Variants in VAV3 observed in about 807,000 individuals in gnomAD.
VAV3 encodes vav guanine nucleotide exchange factor 3.
A neutral mutation model predicts 131.2 loss-of-function variants in VAV3; 94 were observed. The observed-to-expected ratio is 0.72, with a 90% CI of 0.61 to 0.85. The LOEUF (loss-of-function observed/expected upper bound fraction) is 0.85, where lower values mean the gene tolerates loss of function less well. Among genes scored for constraint, VAV3 ranks in the 40% least tolerant of loss-of-function variants. The pLI is 0.00. For missense variants in VAV3, 939 were observed against 1,002.7 expected (o/e 0.94, Z 0.86); for synonymous variants, 349 against 342.0 (o/e 1.02, Z -0.22).
chr1:107,907,687 GCTCT>G (rs146500892), intron 1 of VAV3, among the ~76,000 whole-genome samples: 6,033 of 149,336 alleles, frequency 0.04, 285 homozygotes, highest in African/African-American at 0.12. Context: ...ACACACACGC[GCTCT>G]CTCTCTCTCT....
At chr1:107,905,336 T>C (rs765327845) in intron 1 of VAV3, among the ~76,000 whole-genome samples, 3 of 152,192 alleles carry the variant, frequency 2.0e-5, no homozygotes, top group Non-Finnish European at 4.4e-5. Context: ...TGTTTGCACA[T>C]GGTTAAAGAC....
intron 2 of VAV3, among the ~76,000 whole-genome samples, chr1:107,805,152 T>C (rs1667007181): frequency 6.6e-6 from 1 of 152,192 alleles, no homozygotes; most frequent in South Asian, 2.1e-4. Context: ...TTATTGGGGT[T>C]GAATCTGTTT....
intron 2 of VAV3, among the ~76,000 whole-genome samples, chr1:107,855,778 G>A (rs1669440267): frequency 6.6e-6 from 1 of 152,176 alleles, no homozygotes; most frequent in African/African-American, 2.4e-5. Context: ...AAGCAGCCAG[G>A]GGGAATAAAA....
chr1:107,919,765 A>T (rs940745595), intron 1 of VAV3, among the ~76,000 whole-genome samples: 1 of 152,200 alleles, frequency 6.6e-6, no homozygotes, highest in Non-Finnish European at 1.5e-5. Flanking sequence ...ACAATTTCTT[A>T]ACAGTTAAAC....
intron 2 of VAV3, among the ~76,000 whole-genome samples, chr1:107,796,946 T>C (rs896609138): frequency 6.6e-6 from 1 of 151,800 alleles, no homozygotes; most frequent in Admixed American, 6.6e-5. Flanking sequence ...TCAATCAAGT[T>C]TGTTTTGGTT....
intron 11 of VAV3, among the ~76,000 whole-genome samples, chr1:107,756,415 T>G (rs1557824656): frequency 6.6e-6 from 1 of 152,108 alleles, no homozygotes; most frequent in Non-Finnish European, 1.5e-5. Flanking sequence ...CTTTAAAATT[T>G]GGAACTTGGT....
intron 1 of VAV3, among the ~76,000 whole-genome samples, chr1:107,923,345 A>C (rs753727362): frequency 1.1e-4 from 16 of 152,258 alleles, no homozygotes; most frequent in Non-Finnish European, 2.1e-4. Flanking sequence ...CCCTAAATTC[A>C]TAAGTTGAAA....
intron 2 of VAV3, 27 bp from the exon 3 acceptor site, chr1:107,779,519 G>C: frequency 6.5e-7 from 1 of 1,540,120 alleles, no homozygotes. Context: ...ATACTAATTA[G>C]ATATGTAGTT....
At chr1:107,673,821 G>T (rs767873150) in intron 19 of VAV3, among the ~76,000 whole-genome samples, 9 of 152,156 alleles carry the variant, frequency 5.9e-5, no homozygotes, top group Non-Finnish European at 1.3e-4. Context: ...AAAAAAGTGT[G>T]TAACAAAAGT....
intron 15 of VAV3, among the ~76,000 whole-genome samples, chr1:107,743,766 G>A (rs1474915005): frequency 1.3e-5 from 2 of 152,110 alleles, no homozygotes; most frequent in Non-Finnish European, 2.9e-5. Context: ...TGAGAAACAT[G>A]CTTTTTGTTT....
chr1:107,928,007 T>G (rs1057078213), intron 1 of VAV3, among the ~76,000 whole-genome samples: 1 of 151,992 alleles, frequency 6.6e-6, no homozygotes, highest in African/African-American at 2.4e-5. Context: ...ACAGTCCCGG[T>G]GGTGGTAGCC....
chr1:107,719,993 A>C (rs564491584), intron 15 of VAV3, among the ~76,000 whole-genome samples: 2 of 152,262 alleles, frequency 1.3e-5, no homozygotes, highest in South Asian at 4.1e-4. Flanking sequence ...CTCACTCATC[A>C]GTAGGAATGG....
chr1:107,687,556 AT>A (rs1310502852), intron 18 of VAV3, among the ~76,000 whole-genome samples: 1 of 152,022 alleles, frequency 6.6e-6, no homozygotes, highest in East Asian at 1.9e-4. Context: ...TGCTATGGCC[AT>A]TTGTGGGGAG....
At chr1:107,800,067 C>T (rs1666754194) in intron 2 of VAV3, among the ~76,000 whole-genome samples, 1 of 152,160 alleles carries the variant, frequency 6.6e-6, no homozygotes, top group African/African-American at 2.4e-5. Context: ...GTACATATAT[C>T]ACATTTTCAT....
chr1:107,777,447 T>C, intron 3 of VAV3, 151 bp from the exon 4 acceptor site: 1 of 708,080 alleles, frequency 1.4e-6, no homozygotes, highest in Non-Finnish European at 2.4e-6. Context: ...ATCTAGGGCT[T>C]TCCCTAAAGT....
chr1:107,918,494 G>A (rs1029058905), intron 1 of VAV3, among the ~76,000 whole-genome samples: 2 of 151,992 alleles, frequency 1.3e-5, no homozygotes, highest in African/African-American at 4.8e-5. Flanking sequence ...GTAGGGGAAT[G>A]GGGAGGGGCT....
intron 17 of VAV3, 89 bp from the exon 18 acceptor site, chr1:107,688,495 C>G: frequency 1.3e-6 from 2 of 1,592,076 alleles, no homozygotes; most frequent in Non-Finnish European, 1.7e-6. Flanking sequence ...TGGTAAAACA[C>G]CACTGCTTTG....
chr1:107,705,795 T>C (rs982079284), intron 15 of VAV3, among the ~76,000 whole-genome samples: 11 of 152,198 alleles, frequency 7.2e-5, no homozygotes, highest in Non-Finnish European at 1.3e-4. Context: ...ATAATATCAC[T>C]AGTTTACAAA....
intron 1 of VAV3, among the ~76,000 whole-genome samples, chr1:107,924,524 A>C (rs911785764): frequency 2.0e-5 from 3 of 152,164 alleles, no homozygotes; most frequent in Admixed American, 6.5e-5. Context: ...GTTACCTCTC[A>C]ACTTTTGTCA....
Sources: allele counts gnomAD v4.1 joint callset (sites outside exome capture counted in the v4.1 genomes callset), GRCh38; gene constraint gnomAD v4.1.1; transcripts MANE v1.5; gene names NCBI Gene and HGNC (gene_info 2026-07-23, HGNC 2026-07-21).